Variants in ACTR3C observed in about 807,000 individuals in gnomAD.
ACTR3C encodes the protein actin-related protein 3C.
A neutral mutation model predicts 26.3 loss-of-function variants in ACTR3C; 18 were observed. The ratio of observed to expected loss-of-function variants is 0.68; its 90% CI spans 0.47 to 1.01. The LOEUF (loss-of-function observed/expected upper bound fraction) is 1.01. ACTR3C is among the 50% of genes least tolerant of loss of function. The probability of loss-of-function intolerance (pLI) is 0.00; values close to 1 mark genes in which losing one functional copy is unlikely to be tolerated. For synonymous variants in ACTR3C, 55 were observed against 94.5 expected, an observed-to-expected ratio of 0.58 and a Z score of 2.42; for missense variants, 184 against 250.7, an observed-to-expected ratio of 0.73 and a Z score of 1.80.
the ACTR3C span, among the ~76,000 whole-genome samples, chr7:149,917,593 T>A: frequency 1.3e-5 from 2 of 150,434 alleles, no homozygotes; most frequent in Non-Finnish European, 3.0e-5. Context: ...TTAATTTATG[T>A]TTGAAAGTAG....
At chr7:150,041,880 TC>T in the ACTR3C span, among the ~76,000 whole-genome samples, 1 of 133,768 alleles carries the variant, frequency 7.5e-6, no homozygotes, top group South Asian at 2.6e-4. Context: ...GAGGGTTGCC[TC>T]CCCCTCCTGC....
At chr7:150,240,525 T>C (rs911816349), downstream of ACTR3C, among the ~76,000 whole-genome samples, 20 of 152,176 alleles carry the variant, frequency 1.3e-4, no homozygotes, top group African/African-American at 4.3e-4. Context: ...GGCACATGTA[T>C]ACCTATGTAA....
At chr7:150,296,940 G>T (rs1298252606) in intron 1 of ACTR3C, among the ~76,000 whole-genome samples, 1 of 151,640 alleles carries the variant, frequency 6.6e-6, no homozygotes, top group Admixed American at 6.6e-5. Context: ...AGAGGGCTGC[G>T]CCAGGAGCCA....
chr7:150,249,997 C>T (rs1832719060), intron 6 of ACTR3C, among the ~76,000 whole-genome samples: 1 of 152,112 alleles, frequency 6.6e-6, no homozygotes, highest in African/African-American at 2.4e-5. Context: ...ACTCGCAGTG[C>T]TCTGCATGTC....
chr7:150,253,624 C>T (rs1223654024), intron 6 of ACTR3C, among the ~76,000 whole-genome samples: 1 of 151,820 alleles, frequency 6.6e-6, no homozygotes, highest in African/African-American at 2.4e-5. Flanking sequence ...TGGAAATTAC[C>T]AAATACCAAT....
chr7:149,891,689 G>A, the ACTR3C span, among the ~76,000 whole-genome samples: 1 of 143,598 alleles, frequency 7.0e-6, no homozygotes, highest in African/African-American at 2.5e-5. Context: ...GCCAGGCATG[G>A]TGGTGCGTGC....
the ACTR3C span, among the ~76,000 whole-genome samples, chr7:150,205,543 A>G: frequency 6.6e-6 from 1 of 151,704 alleles, no homozygotes; most frequent in Non-Finnish European, 1.5e-5. Context: ...TCTATAACAC[A>G]TTAGTAAACC....
chr7:149,949,612 T>C, the ACTR3C span, among the ~76,000 whole-genome samples: 339 of 147,266 alleles, frequency 2.3e-3, 7 homozygotes, highest in Non-Finnish European at 4.4e-3. Flanking sequence ...GGAAGTGAGC[T>C]AGTGAAGGTC....
chr7:150,029,790 A>AC, the ACTR3C span, among the ~76,000 whole-genome samples: 6 of 152,000 alleles, frequency 3.9e-5, no homozygotes, highest in Non-Finnish European at 8.8e-5. Flanking sequence ...GCTTTGCCCC[A>AC]CATGCACGAG....
the ACTR3C span, among the ~76,000 whole-genome samples, chr7:149,934,580 C>A: frequency 6.6e-6 from 1 of 152,074 alleles, no homozygotes; most frequent in East Asian, 1.9e-4. Context: ...TGAACTTCAT[C>A]TTTGGATTAG....
chr7:150,110,628 T>C, the ACTR3C span, among the ~76,000 whole-genome samples: 1 of 111,490 alleles, frequency 9.0e-6, no homozygotes. Context: ...AGATTCACTC[T>C]GGCTGGAGGA....
the ACTR3C span, among the ~76,000 whole-genome samples, chr7:150,037,068 G>C: frequency 8.7e-5 from 10 of 114,820 alleles, no homozygotes; most frequent in East Asian, 2.4e-4. Context: ...CCCTCGCGGG[G>C]GGTGCCTCCC....
the ACTR3C span, among the ~76,000 whole-genome samples, chr7:150,228,825 TATA>T: frequency 1.7e-4 from 23 of 134,612 alleles, no homozygotes; most frequent in African/African-American, 7.4e-4. Context: ...TATGCAAACA[TATA>T]ATAATACAAA....
chr7:150,155,599 G>T, the ACTR3C span, among the ~76,000 whole-genome samples: 13 of 150,538 alleles, frequency 8.6e-5, no homozygotes, highest in Non-Finnish European at 1.9e-4. Context: ...GAGACTCATG[G>T]TCTCAAAAGT....
intron 1 of ACTR3C, among the ~76,000 whole-genome samples, chr7:150,313,540 T>A (rs148393136): frequency 1.3e-5 from 2 of 152,334 alleles, no homozygotes; most frequent in Non-Finnish European, 2.9e-5. Context: ...ACTTAAGGTC[T>A]GTGTGGATGT....
At chr7:150,319,852 C>T (rs973383447) in intron 1 of ACTR3C, among the ~76,000 whole-genome samples, 2 of 152,150 alleles carry the variant, frequency 1.3e-5, no homozygotes, top group Admixed American at 6.5e-5. Flanking sequence ...GCTCTAGGGG[C>T]AGGAGCCAGT....
chr7:150,153,282 G>A, the ACTR3C span, among the ~76,000 whole-genome samples: 1 of 151,930 alleles, frequency 6.6e-6, no homozygotes, highest in African/African-American at 2.4e-5. Context: ...AGAGTGAACA[G>A]GCAACCTACA....
the ACTR3C span, among the ~76,000 whole-genome samples, chr7:150,064,649 TACAC>T: frequency 0.018 from 2,615 of 145,024 alleles, 45 homozygotes; most frequent in African/African-American, 0.044. Flanking sequence ...TATTTTCACA[TACAC>T]ACACACACAC....
the ACTR3C span, among the ~76,000 whole-genome samples, chr7:149,918,031 T>C: frequency 6.6e-6 from 1 of 152,256 alleles, no homozygotes; most frequent in Non-Finnish European, 1.5e-5. Context: ...ATTTTTTTAA[T>C]GTTCCTTGGC....
Sources: allele counts gnomAD v4.1 joint callset (sites outside exome capture counted in the v4.1 genomes callset), GRCh38; gene constraint gnomAD v4.1.1; transcripts MANE v1.5; gene names NCBI Gene and HGNC (gene_info 2026-07-23, HGNC 2026-07-21).